The following KIF26B variants were observed in gnomAD, a reference collection of about 807,000 sequenced individuals.
KIF26B encodes kinesin-like protein KIF26B.
KIF26B carries 63 observed loss-of-function variants against 151.2 expected under a neutral mutation model. The ratio of observed to expected loss-of-function variants is 0.42; its 90% confidence interval spans 0.34 to 0.51. The LOEUF (loss-of-function observed/expected upper bound fraction) is 0.51, where lower values mean the gene tolerates loss of function less well. Ranked by LOEUF, KIF26B falls within the 20% of genes least tolerant of loss-of-function variation. KIF26B has a pLI of 0.07. For synonymous variants in KIF26B, 1,357 were observed against 1,262.1 expected (o/e 1.08, Z -1.59); for missense variants, 2,813 against 2,913.6 (o/e 0.97, Z 0.79).
At chr1:245,377,582 AG>A (rs1673307286) in intron 3 of KIF26B, among the ~76,000 whole-genome samples, 1 of 152,246 alleles carries the variant, frequency 6.6e-6, no homozygotes, top group Non-Finnish European at 1.5e-5. Context: ...ACATCTTCAA[AG>A]ACCCTATTTC....
At chr1:245,448,006 G>C (rs933694743) in intron 4 of KIF26B, among the ~76,000 whole-genome samples, 2 of 152,252 alleles carry the variant, frequency 1.3e-5, no homozygotes, top group Admixed American at 6.5e-5. Flanking sequence ...AGTTTTACTG[G>C]GTGAAGCCAA....
At chr1:245,607,260 A>G (rs1201310959) in intron 6 of KIF26B, among the ~76,000 whole-genome samples, 1 of 152,016 alleles carries the variant, frequency 6.6e-6, no homozygotes, top group Non-Finnish European at 1.5e-5. Flanking sequence ...AACTCTATGT[A>G]TACGTGTGTC....
chr1:245,429,362 CTG>C (rs1658723797), intron 4 of KIF26B, among the ~76,000 whole-genome samples: 1 of 152,194 alleles, frequency 6.6e-6, no homozygotes, highest in Non-Finnish European at 1.5e-5. Context: ...TGTCTAACGA[CTG>C]TCCAGGCCTT....
chr1:245,518,531 ACTAT>A (rs1368022417), intron 4 of KIF26B, among the ~76,000 whole-genome samples: 1 of 152,194 alleles, frequency 6.6e-6, no homozygotes, highest in African/African-American at 2.4e-5. Context: ...TCCCTTGGAA[ACTAT>A]CTATAGTAAA....
chr1:245,516,638 T>A lies in KIF26B; in HGVS notation c.1167-24129T>A, dbSNP rs767162204. ...TGCTGTGTCTTGGTGGGGGTGGAGA[T>A]GTGGGGTGAAGTAATGAGCCCGCAA... On this transcript the variant is annotated intron_variant, in intron 4 of 14. Transcript: ENST00000407071. This position sits in a 1 kb window ranked among gnomAD's most constrained non-coding sequence, Gnocchi z 4.2. Among the ~76,000 whole-genome samples the A allele has an allele frequency of 6.6e-6, 1 of 151,986 alleles. No homozygotes were observed. Among genetic ancestry groups the A allele is most frequent in the Non-Finnish European group, 1.5e-5 (1 of 68,006 alleles).
At chr1:245,441,845 C>T (rs568383792) in intron 4 of KIF26B, among the ~76,000 whole-genome samples, 12 of 152,248 alleles carry the variant, frequency 7.9e-5, no homozygotes, top group Admixed American at 3.9e-4. Context: ...TTTTTCTTGG[C>T]GAGGGACCAT....
At chr1:245,497,161 A>C (rs1421194572) in intron 4 of KIF26B, among the ~76,000 whole-genome samples, 3 of 151,984 alleles carry the variant, frequency 2.0e-5, no homozygotes, top group Non-Finnish European at 4.4e-5. Flanking sequence ...CTCAAAAAAA[A>C]AAAAAAAGAT....
chr1:245,267,671 CACACACACACACAA>C (rs758758115), intron 2 of KIF26B, among the ~76,000 whole-genome samples: 1 of 131,954 alleles, frequency 7.6e-6, no homozygotes, highest in African/African-American at 2.9e-5. Flanking sequence ...CACACACACA[CACACACACACACAA>C]AAGGAGAAAA....
chr1:245,327,597 G>A (rs1449822870), intron 2 of KIF26B, among the ~76,000 whole-genome samples: 1 of 152,148 alleles, frequency 6.6e-6, no homozygotes, highest in African/African-American at 2.4e-5. Context: ...AGAGGGTTTT[G>A]TTTTCATAAT....
At chr1:245,191,211 AAG>A (rs1174673951) in intron 2 of KIF26B, among the ~76,000 whole-genome samples, 2 of 152,068 alleles carry the variant, frequency 1.3e-5, no homozygotes, top group East Asian at 1.9e-4. Context: ...CAACATTGAA[AAG>A]AGTAAAATCC....
chr1:245,454,461 G>GA (rs987089032), intron 4 of KIF26B, among the ~76,000 whole-genome samples: 3 of 151,934 alleles, frequency 2.0e-5, no homozygotes, highest in Non-Finnish European at 2.9e-5. Context: ...GAATGGGAAA[G>GA]AAAAAAAAGC....
intron 9 of KIF26B, among the ~76,000 whole-genome samples, chr1:245,640,148 T>TATATATATATATATATATATATATATAC (rs1274131414): frequency 6.7e-4 from 57 of 85,284 alleles, no homozygotes; most frequent in East Asian, 1.5e-3. Flanking sequence ...TCTCTCTATA[T>TATATATATATATATATATATATATATAC]ATATATATAT....
intron 2 of KIF26B, among the ~76,000 whole-genome samples, chr1:245,302,689 G>A (rs545607528): frequency 6.6e-6 from 1 of 152,160 alleles, no homozygotes; most frequent in Admixed American, 6.5e-5. Flanking sequence ...GGAAGTACGT[G>A]GCAATATAAA....
intron 2 of KIF26B, among the ~76,000 whole-genome samples, chr1:245,175,979 TATATATAGATATAG>T (rs1473273940): frequency 4.4e-4 from 65 of 148,020 alleles, no homozygotes; most frequent in Non-Finnish European, 8.8e-4. Flanking sequence ...TAGACATCTA[TATATATAGATATAG>T]ATATATAGAT....
At chr1:245,651,579 C>T (rs977470453) in intron 10 of KIF26B, among the ~76,000 whole-genome samples, 1 of 152,158 alleles carries the variant, frequency 6.6e-6, no homozygotes, top group East Asian at 1.9e-4. Context: ...TTAGCTAGAG[C>T]GGGGTTCCAA....
At position 245,318,674 on chromosome 1, in the gene KIF26B, T is replaced by A. The variant is rs1049493362; in HGVS notation, c.466-48160T>A. Among the ~76,000 whole-genome samples, 3 of 152,190 alleles carry A rather than the reference T, an allele frequency of 2.0e-5. No individual in the cohort carries two copies. In the East Asian group the frequency reaches 5.8e-4, roughly 29 times the overall value. On this transcript the variant is annotated intron_variant, in intron 2 of 14. Transcript: ENST00000407071. This position sits in a 1 kb window ranked among gnomAD's most constrained non-coding sequence, Gnocchi z 4.0. The stretch of plus-strand genomic sequence containing the variant: ...GAGACTCTGGCATATGCATCAGAGT[T>A]CCAGAGTGAAAGGTGGCTCTGAAAA...
chr1:245,230,251 C>T, intron 2 of KIF26B, among the ~76,000 whole-genome samples: 1 of 151,792 alleles, frequency 6.6e-6, no homozygotes, highest in Non-Finnish European at 1.5e-5. Context: ...CCCGAAGCAG[C>T]AGAGCTAACT....
At chr1:245,673,533 C>T (rs971564337) in intron 10 of KIF26B, among the ~76,000 whole-genome samples, 6 of 152,212 alleles carry the variant, frequency 3.9e-5, no homozygotes, top group Non-Finnish European at 7.3e-5. Flanking sequence ...TTAGTAAACA[C>T]GTCTTTTTGA....
rs567816274 is a variant in KIF26B, at chr1:245,327,615, A to C, written c.466-39219A>C. Among the ~76,000 whole-genome samples the C allele has an allele frequency of 1.3e-5, 2 of 152,158 alleles. 1 individual carries two copies. The highest frequency in any genetic ancestry group is 4.1e-4 in the South Asian group (2 of 4,824). ...GGGTTTTGTTTTCATAATTATGACA[A>C]TTCCCATGTATTGAATGCTTCCTAC... is the stretch of plus-strand genomic sequence containing the variant. On this transcript the variant is annotated intron_variant, in intron 2 of 14. Transcript: ENST00000407071.
Sources: allele counts gnomAD v4.1 joint callset (sites outside exome capture counted in the v4.1 genomes callset), GRCh38; gene constraint gnomAD v4.1.1; non-coding constraint Gnocchi (gnomAD v3.1); transcripts MANE v1.5; gene names NCBI Gene and HGNC (gene_info 2026-07-23, HGNC 2026-07-21).